Variants in CDH12 observed in about 807,000 individuals in gnomAD.
CDH12 encodes the protein cadherin-12.
CDH12 carries 41 observed loss-of-function variants against 74.1 expected under a neutral mutation model. The ratio of observed to expected loss-of-function variants is 0.55; its 90% CI spans 0.43 to 0.72. The LOEUF is 0.72. CDH12 is among the 30% of genes least tolerant of loss of function. The pLI is 0.00. For missense variants in CDH12, 945 were observed against 977.2 expected, an observed-to-expected ratio of 0.97 and a Z score of 0.44; for synonymous variants, 399 against 355.0, an observed-to-expected ratio of 1.12 and a Z score of -1.39.
At chr5:22,386,177 C>T (rs943334810) in intron 3 of CDH12, among the ~76,000 whole-genome samples, 3 of 152,096 alleles carry the variant, frequency 2.0e-5, no homozygotes, top group African/African-American at 7.2e-5. Flanking sequence ...CAGGCGTGAG[C>T]CACTGCGCCC....
At chr5:22,187,180 A>G (rs1248981191) in intron 4 of CDH12, among the ~76,000 whole-genome samples, 1 of 152,330 alleles carries the variant, frequency 6.6e-6, no homozygotes, top group East Asian at 1.9e-4. Context: ...GAGGTCCCCT[A>G]GGAGTAATAG....
chr5:22,523,974 T>C (rs1026875513), intron 1 of CDH12, among the ~76,000 whole-genome samples: 6 of 129,884 alleles, frequency 4.6e-5, no homozygotes, highest in African/African-American at 1.5e-4. Context: ...ATTCATTTAT[T>C]ATTATTATTT....
intron 3 of CDH12, among the ~76,000 whole-genome samples, chr5:22,322,636 C>A (rs1176570419): frequency 6.6e-6 from 1 of 152,128 alleles, no homozygotes; most frequent in Non-Finnish European, 1.5e-5. Context: ...TGCACTTTAA[C>A]TTTGAATCTG....
intron 6 of CDH12, among the ~76,000 whole-genome samples, chr5:21,954,661 G>A (rs1020207745): frequency 2.6e-5 from 4 of 151,974 alleles, no homozygotes; most frequent in African/African-American, 9.7e-5. Flanking sequence ...TTTTGTGTGT[G>A]GGTGCACAAT....
chr5:22,361,180 C>G (rs982935085), intron 3 of CDH12, among the ~76,000 whole-genome samples: 1 of 152,164 alleles, frequency 6.6e-6, no homozygotes, highest in African/African-American at 2.4e-5. Flanking sequence ...TCTAGAAAAT[C>G]CCATCTTCTC....
chr5:22,126,639 T>A (rs1267719071), intron 4 of CDH12, among the ~76,000 whole-genome samples: 1 of 152,260 alleles, frequency 6.6e-6, no homozygotes, highest in Non-Finnish European at 1.5e-5. Context: ...GTATTTGCTC[T>A]ATATATTTGA....
chr5:22,208,050 C>G (rs1751318069), intron 4 of CDH12, among the ~76,000 whole-genome samples: 2 of 152,172 alleles, frequency 1.3e-5, no homozygotes, highest in Non-Finnish European at 2.9e-5. Flanking sequence ...AAAGTTTAGA[C>G]ACCTTAACTG....
intron 1 of CDH12, among the ~76,000 whole-genome samples, chr5:22,611,260 CTACACT>C (rs1373217896): frequency 2.0e-5 from 3 of 152,158 alleles, no homozygotes; most frequent in Non-Finnish European, 4.4e-5. Context: ...TCCCCTCTTT[CTACACT>C]TAAACTTCAG....
chr5:22,144,237 G>T (rs1747010756), intron 4 of CDH12: 1 of 152,094 alleles, frequency 6.6e-6, no homozygotes, highest in African/African-American at 2.4e-5. Flanking sequence ...TTAGAAATAT[G>T]ATTAGCTTCT....
chr5:22,593,266 C>CTAAATTTGTA (rs1736435772), intron 1 of CDH12, among the ~76,000 whole-genome samples: 1 of 151,888 alleles, frequency 6.6e-6, no homozygotes, highest in Non-Finnish European at 1.5e-5. Flanking sequence ...TTAACAAATC[C>CTAAATTTGTA]TAAATTTGTA....
chr5:22,242,451 T>C (rs1171829278), intron 3 of CDH12, among the ~76,000 whole-genome samples: 1 of 152,172 alleles, frequency 6.6e-6, no homozygotes, highest in Non-Finnish European at 1.5e-5. Context: ...TGCATTCTGA[T>C]CATTTAACTT....
At chr5:21,995,214 C>A (rs1243070948) in intron 5 of CDH12, among the ~76,000 whole-genome samples, 2 of 151,604 alleles carry the variant, frequency 1.3e-5, no homozygotes, top group African/African-American at 2.4e-5. Context: ...CAAGAACCTA[C>A]CGGAAGGAAC....
At chr5:22,283,309 A>C (rs1736997496) in intron 3 of CDH12, among the ~76,000 whole-genome samples, 1 of 149,462 alleles carries the variant, frequency 6.7e-6, no homozygotes, top group Admixed American at 6.7e-5. Context: ...ATTTACATAT[A>C]TATACACACA....
intron 2 of CDH12, among the ~76,000 whole-genome samples, chr5:22,426,510 G>C (rs891918140): frequency 6.6e-6 from 1 of 152,068 alleles, no homozygotes; most frequent in African/African-American, 2.4e-5. Context: ...AACACAAAAT[G>C]ATAGGCAAGA....
intron 1 of CDH12, among the ~76,000 whole-genome samples, chr5:22,541,774 C>T (rs958915705): frequency 1.3e-5 from 2 of 152,176 alleles, no homozygotes; most frequent in Admixed American, 6.5e-5. Flanking sequence ...TAACCTTGGC[C>T]TCTTAAATGA....
At chr5:21,887,393 G>T (rs747137575) in intron 6 of CDH12, among the ~76,000 whole-genome samples, 4 of 152,162 alleles carry the variant, frequency 2.6e-5, no homozygotes, top group Non-Finnish European at 5.9e-5. Flanking sequence ...TTATAAGAAA[G>T]TAACTGAAGG....
intron 5 of CDH12, among the ~76,000 whole-genome samples, chr5:22,045,471 G>T (rs1404186332): frequency 1.3e-5 from 2 of 151,928 alleles, no homozygotes; most frequent in Admixed American, 1.3e-4. Context: ...GTATGTTGAA[G>T]AAATATTTGC....
intron 2 of CDH12, among the ~76,000 whole-genome samples, chr5:22,462,764 A>C (rs1745572433): frequency 6.6e-6 from 1 of 152,222 alleles, no homozygotes; most frequent in Admixed American, 6.5e-5. Context: ...GAAATTAAAT[A>C]AACCTCTAGT....
intron 4 of CDH12, among the ~76,000 whole-genome samples, chr5:22,108,656 T>C (rs1269790534): frequency 6.6e-6 from 1 of 152,168 alleles, no homozygotes; most frequent in Non-Finnish European, 1.5e-5. Flanking sequence ...AAAAAGTAGA[T>C]AGGAACTCAT....
Sources: gnomAD v4.1 joint callset for allele counts (sites outside exome capture counted in the v4.1 genomes callset) on GRCh38, gnomAD v4.1.1 for gene constraint, MANE v1.5 for transcripts, NCBI Gene and HGNC (gene_info 2026-07-23, HGNC 2026-07-21) for gene names.